Variants in KCNQ3 observed in about 807,000 individuals in gnomAD.
KCNQ3 encodes the protein potassium voltage-gated channel subfamily Q member 3.
In KCNQ3, 30 loss-of-function variants were observed where a neutral mutation model predicts 92.5. The ratio of observed to expected loss-of-function variants is 0.32; its 90% CI spans 0.24 to 0.44. The LOEUF is 0.44. Ranked by LOEUF, KCNQ3 falls within the 20% of genes least tolerant of loss-of-function variation. The pLI is 1.00. For missense variants in KCNQ3, 913 were observed against 1,140.3 expected (o/e 0.80, Z 2.87); for synonymous variants, 450 against 468.8 (o/e 0.96, Z 0.52).
intron 1 of KCNQ3, among the ~76,000 whole-genome samples, chr8:132,286,738 T>G (rs570528739): frequency 3.0e-4 from 46 of 152,336 alleles, no homozygotes; most frequent in African/African-American, 1.1e-3. Context: ...ATGTTGAAAT[T>G]TAATTGCCAC....
At chr8:132,450,062 A>G (rs1022932278) in intron 1 of KCNQ3, among the ~76,000 whole-genome samples, 3 of 152,178 alleles carry the variant, frequency 2.0e-5, no homozygotes, top group Admixed American at 6.5e-5. Flanking sequence ...ATGGACCCAA[A>G]GAGTGAGCAA....
chr8:132,310,054 T>C (rs1817545504), intron 1 of KCNQ3, among the ~76,000 whole-genome samples: 1 of 152,226 alleles, frequency 6.6e-6, no homozygotes, highest in African/African-American at 2.4e-5. Context: ...CCAGACCTTC[T>C]CATATAAATA....
chr8:132,376,120 T>C (rs982918963), intron 1 of KCNQ3, among the ~76,000 whole-genome samples: 2 of 152,206 alleles, frequency 1.3e-5, no homozygotes, highest in Non-Finnish European at 2.9e-5. Context: ...TTCTCTCTAC[T>C]TAACTTCATC....
chr8:132,138,168 C>T lies in KCNQ3; in HGVS notation c.1569-152G>A, dbSNP rs949684523. ...TTCCAACGTTTGGTTCTGGTTCTAC[C>T]CCTTGGAACACACAGAGTTAGTACA... On this transcript the variant is annotated intron_variant, in intron 11 of 14. Transcript: ENST00000388996. The T allele has an allele frequency of 1.3e-5, 10 of 793,636 alleles. 1 individual carries two copies. The highest frequency in any genetic ancestry group is 1.5e-5 in the Non-Finnish European group (7 of 482,052). 49.2% of individuals were successfully genotyped at this position (793,636 alleles called of 1,614,324 possible).
chr8:132,402,537 A>T (rs1820366706), intron 1 of KCNQ3, among the ~76,000 whole-genome samples: 1 of 152,170 alleles, frequency 6.6e-6, no homozygotes, highest in Non-Finnish European at 1.5e-5. Flanking sequence ...TCCTTGGCAC[A>T]TTTAAAGGCC....
At chr8:132,345,816 AGATAATGAG>A (rs1818670864) in intron 1 of KCNQ3, among the ~76,000 whole-genome samples, 1 of 152,178 alleles carries the variant, frequency 6.6e-6, no homozygotes, top group South Asian at 2.1e-4. Flanking sequence ...AATGATGATG[AGATAATGAG>A]GATGATGACT....
intron 1 of KCNQ3, among the ~76,000 whole-genome samples, chr8:132,316,389 G>A (rs1287858941): frequency 3.9e-5 from 6 of 152,150 alleles, no homozygotes; most frequent in African/African-American, 9.7e-5. Flanking sequence ...AGATAGACCC[G>A]GTTAGAATAC....
At chr8:132,350,531 C>T (rs192554229) in intron 1 of KCNQ3, among the ~76,000 whole-genome samples, 135 of 152,286 alleles carry the variant, frequency 8.9e-4, no homozygotes, top group Admixed American at 1.8e-3. Context: ...TCTGCTCATC[C>T]CAGTAAGGGT....
intron 1 of KCNQ3, among the ~76,000 whole-genome samples, chr8:132,461,392 C>T (rs750262737): frequency 4.6e-5 from 7 of 152,044 alleles, no homozygotes; most frequent in Non-Finnish European, 8.8e-5. Context: ...GGTGAAACCC[C>T]GTCTCCACTA....
chr8:132,447,110 C>T, intron 1 of KCNQ3: 1 of 1,102,012 alleles, frequency 9.1e-7, no homozygotes, highest in Non-Finnish European at 1.3e-6. Flanking sequence ...ATAAGCTATG[C>T]ATGTGGCTCT....
At chr8:132,226,773 G>A (rs746919228) in intron 1 of KCNQ3, among the ~76,000 whole-genome samples, 1 of 152,068 alleles carries the variant, frequency 6.6e-6, no homozygotes, top group African/African-American at 2.4e-5. Context: ...CTGCCAAAAC[G>A]AAATCAATGA....
intron 1 of KCNQ3, among the ~76,000 whole-genome samples, chr8:132,399,523 C>T (rs918916236): frequency 6.6e-6 from 1 of 152,140 alleles, no homozygotes; most frequent in Admixed American, 6.5e-5. Flanking sequence ...GCGCCCTCCA[C>T]CCCTGGAAGA....
At chr8:132,360,138 A>T (rs1236426361) in intron 1 of KCNQ3, among the ~76,000 whole-genome samples, 2 of 152,156 alleles carry the variant, frequency 1.3e-5, no homozygotes, top group African/African-American at 4.8e-5. Context: ...GTCAACCACA[A>T]AATGACAACT....
chr8:132,129,298 A>G lies in KCNQ3; in HGVS notation c.2583T>C (p.Ser861=), dbSNP rs780021022. 6.2e-7 allele frequency: 1 copy of G among 1,613,890 alleles called. No homozygotes were observed. Among genetic ancestry groups the G allele is most frequent in the South Asian group, 1.1e-5 (1 of 91,088 alleles). The change falls in exon 15 of 15, where the codon TCT becomes TCC. Residue 861 remains serine (S), a synonymous_variant. Transcript: ENST00000388996. The surrounding 1 kb of genome is among the most constrained non-coding windows in gnomAD (Gnocchi z 5.9). ...TATTGGAAGGGGTCCATACTGAATC[A>G]GAAATCCCATCCCCTGTGGACGACA... ...MPLSSTGDGI[S]DSVWTPSNKP...
chr8:132,285,096 G>A (rs561361532), intron 1 of KCNQ3, among the ~76,000 whole-genome samples: 10 of 152,280 alleles, frequency 6.6e-5, no homozygotes, highest in Non-Finnish European at 1.5e-4. Flanking sequence ...AATGTACTGA[G>A]GCAGAAAATT....
chr8:132,134,298 T>C lies in KCNQ3; in HGVS notation c.1791A>G (p.Gln597=), dbSNP rs1341536380. Residue 597 remains glutamine, a synonymous_variant, in exon 13 of 15, where the codon CAA becomes CAG. Transcript: ENST00000388996. ...ATGTCCACTGGCCCCACCTGGGAGA[T>C]TGCTGGGATGGGAAGGTGAATGCTG... ...KGSAFTFPSQ[Q]SPRNEPYVAR... is the part of the protein sequence containing the mutation. The C allele has an allele frequency of 6.2e-7, 1 of 1,612,976 alleles. No homozygotes were observed. Among genetic ancestry groups the C allele is most frequent in the East Asian group, 2.2e-5 (1 of 44,854 alleles).
intron 1 of KCNQ3, among the ~76,000 whole-genome samples, chr8:132,313,372 G>A (rs889299059): frequency 6.6e-6 from 1 of 151,992 alleles, no homozygotes; most frequent in Non-Finnish European, 1.5e-5. Context: ...AGGAGAACTG[G>A]GTATGATAAA....
chr8:132,408,043 G>C (rs1048263852), intron 1 of KCNQ3, among the ~76,000 whole-genome samples: 2 of 152,122 alleles, frequency 1.3e-5, no homozygotes, highest in African/African-American at 2.4e-5. Context: ...TTTATTACTA[G>C]TTTATTACTG....
chr8:132,448,201 G>C (rs958344793), intron 1 of KCNQ3, among the ~76,000 whole-genome samples: 3 of 152,140 alleles, frequency 2.0e-5, no homozygotes, highest in African/African-American at 7.2e-5. Context: ...GACACAGGTG[G>C]GGAATAAGGG....
Sources: gnomAD v4.1 joint callset for allele counts (sites outside exome capture counted in the v4.1 genomes callset) on GRCh38, gnomAD v4.1.1 for gene constraint, Gnocchi (gnomAD v3.1) non-coding constraint, MANE v1.5 for transcripts, NCBI Gene and HGNC (gene_info 2026-07-23, HGNC 2026-07-21) for gene names.